CUX2: variants seen among roughly 807,000 people sequenced by gnomAD.
The protein encoded by CUX2 is homeobox protein cut-like 2.
In CUX2, 40 loss-of-function variants were observed where a neutral mutation model predicts 144.8. The ratio of observed to expected loss-of-function variants is 0.28; its 90% CI spans 0.21 to 0.36. The LOEUF is 0.36. Among genes scored for constraint, CUX2 ranks in the 10% least tolerant of loss-of-function variants. The probability of loss-of-function intolerance (pLI) is 1.00; values close to 1 mark genes in which losing one functional copy is unlikely to be tolerated. For synonymous variants in CUX2, 827 were observed against 875.6 expected (o/e 0.94, Z 0.98); for missense variants, 1,615 against 1,994.0 (o/e 0.81, Z 3.62).
chr12:111,238,468 G>A (rs1043414229), intron 3 of CUX2, among the ~76,000 whole-genome samples: 7 of 152,160 alleles, frequency 4.6e-5, no homozygotes, highest in Non-Finnish European at 8.8e-5. Context: ...CCCCTTTAAG[G>A]GAGATGTTGT....
intron 1 of CUX2, among the ~76,000 whole-genome samples, chr12:111,130,600 C>CA (rs1399896810): frequency 6.6e-6 from 1 of 152,138 alleles, no homozygotes; most frequent in Non-Finnish European, 1.5e-5. Context: ...GGGGCTCCCC[C>CA]AAAAAATTTA....
At chr12:111,133,921 C>T (rs992181382) in intron 1 of CUX2, among the ~76,000 whole-genome samples, 6 of 152,138 alleles carry the variant, frequency 3.9e-5, no homozygotes, top group African/African-American at 1.4e-4. Context: ...CAGGGTCTTC[C>T]CACCTGTCCC....
chr12:111,170,545 CTTTTTTTTTTT>C (rs34282526), intron 1 of CUX2, among the ~76,000 whole-genome samples: 2 of 79,940 alleles, frequency 2.5e-5, no homozygotes, highest in Admixed American at 1.3e-4. Context: ...CCCAGCTCTT[CTTTTTTTTTTT>C]TTTTTTTTTT....
chr12:111,314,242 A>G (rs1295536538), intron 16 of CUX2, among the ~76,000 whole-genome samples: 1 of 152,240 alleles, frequency 6.6e-6, no homozygotes, highest in African/African-American at 2.4e-5. Flanking sequence ...GAGACATGAT[A>G]TGGAGATGAA....
chr12:111,310,697 G>T lies in CUX2; in HGVS notation c.1900+15G>T. 6.4e-7 allele frequency: 1 copy of T among 1,570,042 alleles called. No homozygotes were observed. The highest frequency in any genetic ancestry group is 1.2e-5 in the South Asian group (1 of 85,776). On this transcript the variant is annotated intron_variant, in intron 15 of 21. Transcript: ENST00000261726. This position sits in a 1 kb window ranked among gnomAD's most constrained non-coding sequence, Gnocchi z 7.9. ...GCGGCAGCGAGGTGAGTGCCCAAGAGGGCCCGTCCCCGCTGGCCACCACGC... is the reference window on the plus strand; with the variant it reads ...GCGGCAGCGAGGTGAGTGCCCAAGATGGCCCGTCCCCGCTGGCCACCACGC...
intron 1 of CUX2, among the ~76,000 whole-genome samples, chr12:111,188,106 T>C (rs1478687090): frequency 1.3e-5 from 2 of 152,258 alleles, no homozygotes; most frequent in Non-Finnish European, 2.9e-5. Flanking sequence ...AGGAATACTA[T>C]GCAAATGCAT....
chr12:111,237,191 C>T (rs1314366483), intron 3 of CUX2, among the ~76,000 whole-genome samples: 1 of 152,132 alleles, frequency 6.6e-6, no homozygotes, highest in African/African-American at 2.4e-5. Flanking sequence ...CAAAAGTTTT[C>T]CAGCATCCAA....
At chr12:111,220,030 A>G (rs1458416974) in intron 3 of CUX2, among the ~76,000 whole-genome samples, 1 of 151,824 alleles carries the variant, frequency 6.6e-6, no homozygotes, top group Non-Finnish European at 1.5e-5. Context: ...TGTAATTCCA[A>G]TTACTCAGGA....
chr12:111,311,017 GC>G (rs763545586), intron 15 of CUX2, among the ~76,000 whole-genome samples: 1 of 152,216 alleles, frequency 6.6e-6, no homozygotes, highest in Non-Finnish European at 1.5e-5. Context: ...TTGTAAGACC[GC>G]CAACCTTACC....
At position 111,053,000 on chromosome 12, in the gene CUX2, C is replaced by T. The variant is rs141703381; in HGVS notation, c.63+18760C>T. Among the ~76,000 whole-genome samples, 683 of 152,004 alleles carry T rather than the reference C, an allele frequency of 4.5e-3. 2 individuals carry two copies. The highest frequency in any genetic ancestry group is 1.0e-2 in the Admixed American group (152 of 15,256). On this transcript the variant is annotated intron_variant, in intron 1 of 21. Transcript: ENST00000261726. ...ACCTTCATCCCTTTGAGGGGAAAAC[C>T]CCAGACGGGTAGCTAGGTGCAGGGG...
At chr12:111,065,956 T>C (rs1592860333) in intron 1 of CUX2, among the ~76,000 whole-genome samples, 1 of 152,242 alleles carries the variant, frequency 6.6e-6, no homozygotes, top group African/African-American at 2.4e-5. Flanking sequence ...TCCAAACCCA[T>C]GCGAGTGCAG....
intron 1 of CUX2, among the ~76,000 whole-genome samples, chr12:111,134,620 C>CTCTCTCTCTGTG (rs1026548098): frequency 7.0e-6 from 1 of 142,130 alleles, no homozygotes; most frequent in African/African-American, 2.8e-5. Context: ...CTCTCTCTCT[C>CTCTCTCTCTGTG]TGTGTGTGTG....
At chr12:111,211,105 T>G (rs1881202559) in intron 1 of CUX2, among the ~76,000 whole-genome samples, 1 of 152,228 alleles carries the variant, frequency 6.6e-6, no homozygotes, top group South Asian at 2.1e-4. Flanking sequence ...ACATGTAAGC[T>G]TTCCATAAAT....
At chr12:111,103,221 A>G (rs1873368500) in intron 1 of CUX2, among the ~76,000 whole-genome samples, 1 of 152,122 alleles carries the variant, frequency 6.6e-6, no homozygotes, top group African/African-American at 2.4e-5. Flanking sequence ...CAAGCGGTGC[A>G]CCATGCTCAC....
chr12:111,282,745 C>T (rs1019668870), intron 4 of CUX2, among the ~76,000 whole-genome samples: 1 of 151,940 alleles, frequency 6.6e-6, no homozygotes, highest in African/African-American at 2.4e-5. Flanking sequence ...GGTTGGTTTC[C>T]AGTAGAACCT....
At position 111,347,383 on chromosome 12, in the gene CUX2, A is replaced by C. The variant is rs149418920; in HGVS notation, c.3660-141A>C. On this transcript the variant is annotated intron_variant, in intron 21 of 21. Coordinates refer to ENST00000261726, the MANE Select transcript of CUX2 (RefSeq NM_015267.4). ...CTTGTGGCGTTGTTGAGAAGACTTAATAAGATGGTGCAAGTATGGAGGCTT... is the reference window on the plus strand; with the variant it reads ...CTTGTGGCGTTGTTGAGAAGACTTACTAAGATGGTGCAAGTATGGAGGCTT... The C allele has an allele frequency of 2.2e-3, 1,601 of 730,622 alleles. 11 individuals carry two copies. In the African/African-American group the frequency reaches 0.023, roughly 11 times the overall value. 45.3% of individuals were successfully genotyped at this position (730,622 alleles called of 1,614,324 possible). A position where few individuals can be genotyped will look rare whatever the true frequency, so the allele number is the denominator to read the frequency against.
At chr12:111,237,236 C>T (rs1882800964) in intron 3 of CUX2, among the ~76,000 whole-genome samples, 1 of 152,226 alleles carries the variant, frequency 6.6e-6, no homozygotes, top group African/African-American at 2.4e-5. Context: ...TCCCCCATCA[C>T]CTGACAGCTT....
chr12:111,082,385 CAGG>C (rs1252523882), intron 1 of CUX2, among the ~76,000 whole-genome samples: 2 of 152,126 alleles, frequency 1.3e-5, no homozygotes, highest in African/African-American at 4.8e-5. Flanking sequence ...GGTTTGATTC[CAGG>C]AGTTTTCTGA....
At chr12:111,083,384 C>T (rs889869636) in intron 1 of CUX2, among the ~76,000 whole-genome samples, 1 of 152,012 alleles carries the variant, frequency 6.6e-6, no homozygotes, top group Non-Finnish European at 1.5e-5. Flanking sequence ...GAGCCTGGGG[C>T]CGGGGTCCAA....
Sources: gnomAD v4.1 joint callset for allele counts (sites outside exome capture counted in the v4.1 genomes callset) on GRCh38, gnomAD v4.1.1 for gene constraint, Gnocchi (gnomAD v3.1) non-coding constraint, MANE v1.5 for transcripts, NCBI Gene and HGNC (gene_info 2026-07-23, HGNC 2026-07-21) for gene names.